The following KIAA1549L variants were observed in gnomAD, a reference collection of about 807,000 sequenced individuals.
KIAA1549L encodes KIAA1549 like, also known as UPF0606 protein KIAA1549L.
In KIAA1549L, 88 loss-of-function variants were observed where a neutral mutation model predicts 160.7. The observed-to-expected ratio is 0.55, with a 90% CI of 0.46 to 0.65. The LOEUF (loss-of-function observed/expected upper bound fraction) is 0.65, where lower values mean the gene tolerates loss of function less well. KIAA1549L is among the 30% of genes least tolerant of loss of function. The pLI, the probability that KIAA1549L is intolerant of heterozygous loss-of-function variation, is 0.00. For missense variants in KIAA1549L, 2,258 were observed against 2,437.5 expected (o/e 0.93, Z 1.55); for synonymous variants, 950 against 976.7 (o/e 0.97, Z 0.51).
intron 13 of KIAA1549L, chr11:33,599,156 C>T: frequency 9.3e-6 from 4 of 432,118 alleles, no homozygotes; most frequent in Non-Finnish European, 1.7e-5. Context: ...TGTCTCACTT[C>T]CTCCGCCCCT....
intron 1 of KIAA1549L, among the ~76,000 whole-genome samples, chr11:33,477,509 A>ACGCGCG (rs368752419): frequency 4.8e-5 from 7 of 145,532 alleles, no homozygotes; most frequent in African/African-American, 1.9e-4. Context: ...AGGTGCACGC[A>ACGCGCG]CACACACACA....
intron 1 of KIAA1549L, among the ~76,000 whole-genome samples, chr11:33,443,682 C>A (rs560442829): frequency 5.5e-4 from 83 of 151,458 alleles, no homozygotes; most frequent in Non-Finnish European, 1.1e-3. Flanking sequence ...GGCAGTCTGG[C>A]GAAGCTCTTG....
In KIAA1549L at chr11:33,462,195, A is replaced by G. The variant is rs549901386; in HGVS notation, c.239-79607A>G. On this transcript the variant is annotated intron_variant, in intron 1 of 20. Transcript: ENST00000658780. ...TAAAAAGTAGATGGAGAACAATGCT[A>G]TGTAGGGAAGATAATTTAAGGAGCA... Among the ~76,000 whole-genome samples the G allele has an allele frequency of 5.3e-5, 8 of 152,334 alleles. No individual in the cohort carries two copies. In the East Asian group the frequency reaches 1.3e-3, roughly 26 times the overall value.
intron 1 of KIAA1549L, among the ~76,000 whole-genome samples, chr11:33,449,072 G>A (rs1405934514): frequency 3.3e-5 from 5 of 152,136 alleles, no homozygotes; most frequent in African/African-American, 1.2e-4. Context: ...TCTTAAATTG[G>A]AATAAAAAGT....
intron 19 of KIAA1549L, among the ~76,000 whole-genome samples, chr11:33,660,146 A>G (rs1473269058): frequency 6.6e-6 from 1 of 151,778 alleles, no homozygotes; most frequent in Non-Finnish European, 1.5e-5. Context: ...TTCCTTCCCC[A>G]GGTGAGTACA....
intron 1 of KIAA1549L, among the ~76,000 whole-genome samples, chr11:33,512,385 A>G (rs1207196247): frequency 6.6e-6 from 1 of 152,228 alleles, no homozygotes; most frequent in Admixed American, 6.5e-5. Flanking sequence ...AGTAATTAAT[A>G]AATACACAGT....
chr11:33,435,798 A>ATGTGTGTGTGTG (rs1254104673), intron 1 of KIAA1549L, among the ~76,000 whole-genome samples: 8 of 7,626 alleles, frequency 1.0e-3, no homozygotes, highest in African/African-American at 1.6e-3. Flanking sequence ...ATATATATAT[A>ATGTGTGTGTGTG]TATATATATA....
At chr11:33,597,514 CATT>C (rs1850233038) in intron 12 of KIAA1549L, among the ~76,000 whole-genome samples, 1 of 152,184 alleles carries the variant, frequency 6.6e-6, no homozygotes, top group African/African-American at 2.4e-5. Context: ...GGATAGATGT[CATT>C]ATTTTCTAAA....
At chr11:33,390,767 A>T (rs180757339) in intron 1 of KIAA1549L, among the ~76,000 whole-genome samples, 18 of 152,344 alleles carry the variant, frequency 1.2e-4, no homozygotes, top group East Asian at 1.9e-4. Context: ...TCTATGGAAG[A>T]TAACAATGAC....
At chr11:33,548,174 T>C (rs186332381) in intron 4 of KIAA1549L, among the ~76,000 whole-genome samples, 1,814 of 152,200 alleles carry the variant, frequency 0.012, 21 homozygotes, top group Middle Eastern at 0.017. Flanking sequence ...CCGAGGCAGG[T>C]GATCACTTGG....
chr11:33,435,626 G>A (rs953152883), intron 1 of KIAA1549L, among the ~76,000 whole-genome samples: 1 of 150,450 alleles, frequency 6.6e-6, no homozygotes, highest in Non-Finnish European at 1.5e-5. Context: ...AATGTCTAGT[G>A]GCCAAATATA....
intron 1 of KIAA1549L, among the ~76,000 whole-genome samples, chr11:33,440,899 AG>A (rs1171573415): frequency 6.6e-6 from 1 of 152,054 alleles, no homozygotes; most frequent in African/African-American, 2.4e-5. Context: ...GTATTATTCT[AG>A]GTTGACAGTT....
intron 12 of KIAA1549L, among the ~76,000 whole-genome samples, chr11:33,592,846 A>G (rs1850097443): frequency 6.6e-6 from 1 of 152,198 alleles, no homozygotes; most frequent in Non-Finnish European, 1.5e-5. Flanking sequence ...GACCTGATTG[A>G]GGTATAAACC....
intron 12 of KIAA1549L, among the ~76,000 whole-genome samples, chr11:33,592,658 T>G (rs978046354): frequency 6.6e-6 from 1 of 152,208 alleles, no homozygotes; most frequent in African/African-American, 2.4e-5. Flanking sequence ...TGAGGAGAGA[T>G]AGATAATAAA....
intron 1 of KIAA1549L, among the ~76,000 whole-genome samples, chr11:33,445,316 T>A (rs1851589240): frequency 6.6e-6 from 1 of 152,232 alleles, no homozygotes; most frequent in Non-Finnish European, 1.5e-5. Flanking sequence ...AGAAGTTGGA[T>A]AACAGCAGTT....
In KIAA1549L at chr11:33,459,743, C is replaced by T. The variant is rs530606687; in HGVS notation, c.239-82059C>T. 2.2e-4 allele frequency among the ~76,000 whole-genome samples: 34 copies of T among 151,654 alleles called. 1 individual carries two copies. The South Asian group carries it at 4.2e-3, about 19-fold the overall frequency. ...TTGGGAGGCCGAGGCGGGCGGATCA[C>T]GAGGTCAGGAGATCGAGACCATCCC... On this transcript the variant is annotated intron_variant, in intron 1 of 20. Transcript: ENST00000658780.
At chr11:33,528,466 C>G (rs1429384226) in intron 1 of KIAA1549L, among the ~76,000 whole-genome samples, 1 of 152,144 alleles carries the variant, frequency 6.6e-6, no homozygotes, top group Non-Finnish European at 1.5e-5. Flanking sequence ...TCCAGCAATC[C>G]CGCTACTGGG....
intron 1 of KIAA1549L, among the ~76,000 whole-genome samples, chr11:33,509,685 A>G (rs1267588457): frequency 1.3e-5 from 2 of 152,304 alleles, no homozygotes; most frequent in Middle Eastern, 3.4e-3. Context: ...TAATCCATTA[A>G]AATGTCACTT....
At chr11:33,377,751 T>A (rs1849986155) in intron 1 of KIAA1549L, among the ~76,000 whole-genome samples, 2 of 152,230 alleles carry the variant, frequency 1.3e-5, no homozygotes, top group South Asian at 4.1e-4. Flanking sequence ...TAGTTTTGCA[T>A]TTTTTAGCAA....
Sources: allele counts gnomAD v4.1 joint callset (sites outside exome capture counted in the v4.1 genomes callset), GRCh38; gene constraint gnomAD v4.1.1; transcripts MANE v1.5; gene names NCBI Gene and HGNC (gene_info 2026-07-23, HGNC 2026-07-21).